SHROOM3: variants seen among roughly 807,000 people sequenced by gnomAD.
SHROOM3 encodes the protein protein Shroom3.
SHROOM3 carries 47 observed loss-of-function variants against 138.6 expected under a neutral mutation model. The ratio of observed to expected loss-of-function variants is 0.34; its 90% CI spans 0.27 to 0.43. The LOEUF is 0.43. Ranked by LOEUF, SHROOM3 falls within the 20% of genes least tolerant of loss-of-function variation. The pLI is 1.00. For missense variants in SHROOM3, 2,491 were observed against 2,596.5 expected (o/e 0.96, Z 0.88); for synonymous variants, 1,062 against 1,063.3 (o/e 1.00, Z 0.02).
intron 2 of SHROOM3, among the ~76,000 whole-genome samples, chr4:76,694,964 A>G (rs374106729): frequency 2.0e-4 from 30 of 152,312 alleles, no homozygotes; most frequent in African/African-American, 7.0e-4. Flanking sequence ...ACCCAATACC[A>G]TCCTGTCAAT....
chr4:76,753,244 G>C (rs1721690352), intron 6 of SHROOM3, among the ~76,000 whole-genome samples: 1 of 152,190 alleles, frequency 6.6e-6, no homozygotes, highest in African/African-American at 2.4e-5. Context: ...TCCATCATCT[G>C]CATCTATGTA....
intron 2 of SHROOM3, among the ~76,000 whole-genome samples, chr4:76,636,790 G>A (rs1735509269): frequency 6.6e-6 from 1 of 152,218 alleles, no homozygotes; most frequent in Non-Finnish European, 1.5e-5. Flanking sequence ...GCTAGGGTTG[G>A]TAACCACCTT....
intron 2 of SHROOM3, among the ~76,000 whole-genome samples, chr4:76,585,482 C>T (rs1284040375): frequency 2.0e-5 from 3 of 152,094 alleles, no homozygotes; most frequent in African/African-American, 7.2e-5. Context: ...GGGGCAAATA[C>T]CAAACTTGAA....
intron 1 of SHROOM3, among the ~76,000 whole-genome samples, chr4:76,546,360 A>G (rs561397730): frequency 1.3e-5 from 2 of 152,334 alleles, no homozygotes; most frequent in Admixed American, 1.3e-4. Flanking sequence ...AGATGGGAAG[A>G]ACAGGAGGAA....
At chr4:76,595,021 T>C (rs1182821074) in intron 2 of SHROOM3, among the ~76,000 whole-genome samples, 1 of 152,244 alleles carries the variant, frequency 6.6e-6, no homozygotes, top group Non-Finnish European at 1.5e-5. Flanking sequence ...AAGGCCTGCA[T>C]GTGAGTTCCA....
Position 76,778,894 on chromosome 4 carries a change from G to T in SHROOM3, c.5708G>T (p.Arg1903Leu), listed in dbSNP as rs768722873. Residue 1903 changes from arginine to leucine, a missense_variant, in exon 11 of 11, where the codon CGA (arginine) becomes CTA (leucine). Arg to Leu is a moderately radical substitution (Grantham distance 102, BLOSUM62 -2). Transcript: ENST00000296043. ...ELKENLDRRE[R>L]VVLGILANYL... Reference sequence around the variant, plus strand: ...AAGGAGAACCTGGATCGCAGGGAGCGAGTAGTGCTGGGCATCTTGGCCAAT... The same window carrying T: ...AAGGAGAACCTGGATCGCAGGGAGCTAGTAGTGCTGGGCATCTTGGCCAAT... 6.2e-7 allele frequency: 1 copy of T among 1,613,428 alleles called. No individual in the cohort carries two copies. Among genetic ancestry groups the T allele is most frequent in the Non-Finnish European group, 8.5e-7 (1 of 1,180,020 alleles).
intron 2 of SHROOM3, among the ~76,000 whole-genome samples, chr4:76,581,221 T>G (rs1416926870): frequency 6.6e-6 from 1 of 152,230 alleles, no homozygotes; most frequent in Non-Finnish European, 1.5e-5. Context: ...TCAATGCCTT[T>G]AATTGCTACC....
intron 1 of SHROOM3, among the ~76,000 whole-genome samples, chr4:76,443,187 A>G (rs1730733011): frequency 6.6e-6 from 1 of 152,194 alleles, no homozygotes; most frequent in African/African-American, 2.4e-5. Flanking sequence ...TTTTTAGTAC[A>G]AATTAATTTT....
intron 1 of SHROOM3, among the ~76,000 whole-genome samples, chr4:76,528,344 T>A (rs1443599082): frequency 3.6e-5 from 1 of 27,448 alleles, no homozygotes; most frequent in Non-Finnish European, 6.6e-5. Context: ...CTTCTTCTTC[T>A]TTTTTTTTTT....
intron 1 of SHROOM3, among the ~76,000 whole-genome samples, chr4:76,555,008 A>G (rs1381647928): frequency 6.6e-6 from 1 of 150,964 alleles, no homozygotes; most frequent in Non-Finnish European, 1.5e-5. Flanking sequence ...ATCTGTCACT[A>G]TCTCTCATCG....
chr4:76,584,446 A>T (rs528419073), intron 2 of SHROOM3, among the ~76,000 whole-genome samples: 2 of 152,320 alleles, frequency 1.3e-5, no homozygotes, highest in Non-Finnish European at 2.9e-5. Flanking sequence ...GTCACAGAGA[A>T]TCTGGAGCAG....
intron 1 of SHROOM3, among the ~76,000 whole-genome samples, chr4:76,520,657 C>T (rs936010657): frequency 2.0e-5 from 3 of 152,136 alleles, no homozygotes; most frequent in Non-Finnish European, 2.9e-5. Flanking sequence ...TGAGTGTGAT[C>T]CAGGTTGTCC....
chr4:76,585,445 T>C (rs190177326), intron 2 of SHROOM3, among the ~76,000 whole-genome samples: 96 of 152,278 alleles, frequency 6.3e-4, no homozygotes, highest in African/African-American at 2.3e-3. Flanking sequence ...GTGTCTATGG[T>C]TACTGTTAAG....
chr4:76,623,269 A>G (rs1233839873), intron 2 of SHROOM3, among the ~76,000 whole-genome samples: 1 of 152,224 alleles, frequency 6.6e-6, no homozygotes, highest in Non-Finnish European at 1.5e-5. Flanking sequence ...AAAGTCAACC[A>G]AAATCCAAAA....
intron 2 of SHROOM3, among the ~76,000 whole-genome samples, chr4:76,654,229 G>A (rs1164775821): frequency 6.6e-6 from 1 of 152,150 alleles, no homozygotes; most frequent in Non-Finnish European, 1.5e-5. Context: ...TAAGACACAG[G>A]TGAAAAAGCC....
chr4:76,743,418 A>G (rs4859459), intron 5 of SHROOM3, among the ~76,000 whole-genome samples: 38,120 of 152,092 alleles, frequency 0.25, 4,986 homozygotes, highest in East Asian at 0.33. Context: ...TCATCATGGA[A>G]ATCAGTTCCT....
At chr4:76,477,099 C>T (rs1302530197) in intron 1 of SHROOM3, among the ~76,000 whole-genome samples, 1 of 152,184 alleles carries the variant, frequency 6.6e-6, no homozygotes, top group African/African-American at 2.4e-5. Flanking sequence ...TCCCAAGTAG[C>T]TGGGACTACA....
At chr4:76,767,223 A>T (rs1722185764) in intron 9 of SHROOM3, among the ~76,000 whole-genome samples, 1 of 152,198 alleles carries the variant, frequency 6.6e-6, no homozygotes, top group African/African-American at 2.4e-5. Context: ...AGTGTTGCTG[A>T]TCTGCTTAGG....
At chr4:76,606,508 A>G (rs1197885959) in intron 2 of SHROOM3, among the ~76,000 whole-genome samples, 1 of 151,928 alleles carries the variant, frequency 6.6e-6, no homozygotes, top group Non-Finnish European at 1.5e-5. Flanking sequence ...GTTGGAGACC[A>G]GCCTGACCAA....
Sources: allele counts gnomAD v4.1 joint callset (sites outside exome capture counted in the v4.1 genomes callset), GRCh38; gene constraint gnomAD v4.1.1; transcripts MANE v1.5; gene names NCBI Gene and HGNC (gene_info 2026-07-23, HGNC 2026-07-21).